PCDH17: variants seen among roughly 807,000 people sequenced by gnomAD.
PCDH17 encodes the protein protocadherin-17.
In PCDH17, 21 loss-of-function variants were observed where a neutral mutation model predicts 67.7. The observed-to-expected ratio is 0.31, with a 90% CI of 0.22 to 0.45. The LOEUF is 0.45. Ranked by LOEUF, PCDH17 falls within the 20% of genes least tolerant of loss-of-function variation. PCDH17 has a pLI of 1.00. For missense variants in PCDH17, 1,471 were observed against 1,564.8 expected (o/e 0.94, Z 1.01); for synonymous variants, 701 against 656.7 (o/e 1.07, Z -1.03).
rs564156819 is a variant in PCDH17 at position 57,641,508 on chromosome 13, A to C, written c.2565+6397A>C. Among the ~76,000 whole-genome samples the C allele has an allele frequency of 3.7e-5, 5 of 136,622 alleles. No homozygotes were observed. The South Asian group carries it at 1.2e-3, about 32-fold the overall frequency. 89.6% of individuals were successfully genotyped at this position (136,622 alleles called of 152,430 possible). On this transcript the variant is annotated intron_variant, in intron 1 of 3. Transcript: ENST00000377918. ...GTGGCATCCTTTGCTTGTATGTACC[A>C]AGTTCTTCCGGGGATAGACTATAAA...
At position 57,634,479 on chromosome 13, in the gene PCDH17, A is replaced by T; in HGVS notation, c.1933A>T (p.Ile645Phe). 1 of 1,612,676 alleles carries T rather than the reference A, an allele frequency of 6.2e-7. No individual in the cohort carries two copies. Among genetic ancestry groups the T allele is most frequent in the Non-Finnish European group, 8.5e-7 (1 of 1,179,970 alleles). The change falls in exon 1 of 4, where the codon ATC (isoleucine) becomes TTC (phenylalanine). Residue 645 changes from isoleucine to phenylalanine, a missense_variant. Ile to Phe is a conservative substitution (Grantham distance 21). This residue lies in a region of PCDH17 where 1,163 missense variants were observed against 1,230.0 expected (regional missense o/e 0.95). Coordinates refer to ENST00000377918, the MANE Select transcript of PCDH17 (RefSeq NM_001040429.3). This position sits in a 1 kb window ranked among gnomAD's most constrained non-coding sequence, Gnocchi z 7.8. ...LFEIDPSSGEIRTLHPFWEDV... is the reference protein window; with the variant it reads ...LFEIDPSSGEFRTLHPFWEDV... Reference sequence around the variant, plus strand: ...TGAGATCGACCCGTCCAGCGGCGAGATCCGCACGCTGCACCCTTTCTGGGA... The same window carrying T: ...TGAGATCGACCCGTCCAGCGGCGAGTTCCGCACGCTGCACCCTTTCTGGGA...
In PCDH17 at chr13:57,634,105, C is replaced by T. The variant is rs1415778253; in HGVS notation, c.1559C>T (p.Ser520Phe). The change falls in exon 1 of 4, where the codon TCT becomes TTT. Residue 520 changes from serine (S) to phenylalanine (F), a missense_variant. Physicochemically the swap from Ser to Phe is radical, Grantham distance 155. Coordinates refer to ENST00000377918, the MANE Select transcript of PCDH17 (RefSeq NM_001040429.3). This position sits in a 1 kb window ranked among gnomAD's most constrained non-coding sequence, Gnocchi z 7.8. ...SILPSHIGDV[S>F]IYTYVSVNPT... ...CTGCCCTCGCACATCGGCGACGTGT[C>T]TATCTACACCTATGTGTCTGTGAAT... 1 of 1,612,130 alleles carries T rather than the reference C, an allele frequency of 6.2e-7. No homozygotes were observed. Among genetic ancestry groups the T allele is most frequent in the Non-Finnish European group, 8.5e-7 (1 of 1,179,538 alleles).
chr13:57,717,562 C>T (rs1463049588), intron 3 of PCDH17, among the ~76,000 whole-genome samples: 1 of 151,936 alleles, frequency 6.6e-6, no homozygotes, highest in East Asian at 1.9e-4. Flanking sequence ...GCTCCAAATA[C>T]CCAGCTGTGA....
intron 3 of PCDH17, among the ~76,000 whole-genome samples, chr13:57,674,132 G>A (rs1449079428): frequency 6.6e-6 from 1 of 151,758 alleles, no homozygotes; most frequent in Non-Finnish European, 1.5e-5. Flanking sequence ...GATTTACTAC[G>A]GACTCATGTG....
At chr13:57,648,977 G>T (rs1389640549) in intron 1 of PCDH17, among the ~76,000 whole-genome samples, 1 of 152,060 alleles carries the variant, frequency 6.6e-6, no homozygotes, top group African/African-American at 2.4e-5. Flanking sequence ...AGTACATTAT[G>T]TAAATTGATC....
chr13:57,649,675 T>C (rs2807633), intron 1 of PCDH17, among the ~76,000 whole-genome samples: 36,280 of 152,112 alleles, frequency 0.24, 5,867 homozygotes, highest in African/African-American at 0.47. Context: ...TCATTATGCT[T>C]ATTTATTGGT....
chr13:57,690,009 T>G (rs1017708971), intron 3 of PCDH17, among the ~76,000 whole-genome samples: 1 of 151,872 alleles, frequency 6.6e-6, no homozygotes, highest in Non-Finnish European at 1.5e-5. Context: ...TGAATATTTT[T>G]AAATGTTCTT....
chr13:57,634,844 TATC>T lies in PCDH17; in HGVS notation c.2301_2303del (p.Ile767del). ...AGAAGAAGAAGATCAACAAAAATGA[TATC>T]ATGCTGGTGCAGAGCGAAGTGGAGG... On this transcript the variant is annotated inframe_deletion, in exon 1 of 4. Transcript: ENST00000377918. The surrounding 1 kb of genome is among the most constrained non-coding windows in gnomAD (Gnocchi z 7.8). 6.2e-7 allele frequency: 1 copy of T among 1,614,022 alleles called. No individual in the cohort carries two copies. The highest frequency in any genetic ancestry group is 8.5e-7 in the Non-Finnish European group (1 of 1,180,016).
At chr13:57,701,568 AT>A (rs1297024727) in intron 3 of PCDH17, among the ~76,000 whole-genome samples, 3 of 152,042 alleles carry the variant, frequency 2.0e-5, no homozygotes, top group Non-Finnish European at 2.9e-5. Flanking sequence ...TAATTTCAAT[AT>A]TTTTTAATAG....
intron 1 of PCDH17, among the ~76,000 whole-genome samples, chr13:57,663,616 G>A (rs887331382): frequency 6.6e-6 from 1 of 152,000 alleles, no homozygotes; most frequent in African/African-American, 2.4e-5. Context: ...TTTGTTAAAG[G>A]CCAAATGGCT....
rs1232603454 is a variant in PCDH17, at chr13:57,728,071, T to C, written c.*2777T>C. The C allele has an allele frequency of 6.6e-6, 1 of 152,588 alleles. No individual in the cohort carries two copies. The highest frequency in any genetic ancestry group is 1.5e-5 in the Non-Finnish European group (1 of 68,004). 9.5% of individuals were successfully genotyped at this position (152,588 alleles called of 1,614,324 possible). The stretch of plus-strand genomic sequence containing the variant: ...AGTGTTAGCTGTTTAACACATTATC[T>C]GTATTTAGTAGTGATTATTTATTTA... On this transcript the variant is annotated 3_prime_UTR_variant, in exon 4 of 4. Transcript: ENST00000377918.
At chr13:57,708,059 T>C (rs575138591) in intron 3 of PCDH17, among the ~76,000 whole-genome samples, 70 of 151,958 alleles carry the variant, frequency 4.6e-4, no homozygotes, top group African/African-American at 1.7e-3. Flanking sequence ...TCAACTTGGA[T>C]GAGATCAATT....
At chr13:57,677,670 A>G (rs1470460164) in intron 3 of PCDH17, among the ~76,000 whole-genome samples, 1 of 151,876 alleles carries the variant, frequency 6.6e-6, no homozygotes, top group African/African-American at 2.4e-5. Context: ...GGTTCTTTAG[A>G]GAAATCTAAC....
At position 57,635,138 on chromosome 13, in the gene PCDH17, G is replaced by C. The variant is rs777145542; in HGVS notation, c.2565+27G>C. The C allele has an allele frequency of 7.5e-6, 12 of 1,609,144 alleles. No individual in the cohort carries two copies. The South Asian group carries it at 1.3e-4, about 18-fold the overall frequency. On this transcript the variant is annotated intron_variant, in intron 1 of 3. Coordinates refer to ENST00000377918, the MANE Select transcript of PCDH17 (RefSeq NM_001040429.3). Reference sequence around the variant, plus strand: ...TAGGAGACTTTTAGCATAACTGGGAGTTCACTTTATTGCTGGTTTTGGAGC... The same window carrying C: ...TAGGAGACTTTTAGCATAACTGGGACTTCACTTTATTGCTGGTTTTGGAGC...
chr13:57,648,976 T>C (rs1206597084), intron 1 of PCDH17, among the ~76,000 whole-genome samples: 1 of 152,106 alleles, frequency 6.6e-6, no homozygotes, highest in African/African-American at 2.4e-5. Flanking sequence ...AAGTACATTA[T>C]GTAAATTGAT....
intron 3 of PCDH17, among the ~76,000 whole-genome samples, chr13:57,703,896 T>G (rs1955691378): frequency 6.6e-6 from 1 of 152,088 alleles, no homozygotes; most frequent in South Asian, 2.1e-4. Context: ...ATAATTTATT[T>G]TCAGTTGTAG....
intron 3 of PCDH17, among the ~76,000 whole-genome samples, chr13:57,677,362 A>G (rs1024137038): frequency 3.3e-5 from 5 of 151,896 alleles, no homozygotes; most frequent in African/African-American, 1.2e-4. Context: ...GGAAGGATAG[A>G]ATACTAATAC....
Position 57,634,150 on chromosome 13 carries a change from A to G in PCDH17, c.1604A>G (p.Tyr535Cys). 1 of 1,613,584 alleles carries G rather than the reference A, an allele frequency of 6.2e-7. No individual in the cohort carries two copies. The highest frequency in any genetic ancestry group is 8.5e-7 in the Non-Finnish European group (1 of 1,180,024). Residue 535 changes from tyrosine (Y) to cysteine (C), a missense_variant, in exon 1 of 4, where the codon TAC becomes TGC. Coordinates refer to ENST00000377918, the MANE Select transcript of PCDH17 (RefSeq NM_001040429.3). The surrounding 1 kb of genome is among the most constrained non-coding windows in gnomAD (Gnocchi z 7.8). ...VSVNPTNGAI[Y>C]ALRSFNFEQT... The stretch of plus-strand genomic sequence containing the variant: ...GTGAATCCCACGAACGGGGCCATCT[A>G]CGCCCTGCGCTCCTTTAACTTCGAG...
chr13:57,639,583 A>G (rs1363171968), intron 1 of PCDH17, among the ~76,000 whole-genome samples: 1 of 151,944 alleles, frequency 6.6e-6, no homozygotes, highest in Non-Finnish European at 1.5e-5. Context: ...GGTTTTCGAT[A>G]AAATTTTCAA....
Sources: allele counts gnomAD v4.1 joint callset (sites outside exome capture counted in the v4.1 genomes callset), GRCh38; gene constraint gnomAD v4.1.1; regional missense constraint gnomAD v4.1.1; non-coding constraint Gnocchi (gnomAD v3.1); transcripts MANE v1.5; gene names NCBI Gene and HGNC (gene_info 2026-07-23, HGNC 2026-07-21).